SETD2: variants seen among roughly 807,000 people sequenced by gnomAD.
SETD2 encodes the protein SET domain containing 2, histone lysine methyltransferase, also known as histone-lysine N-methyltransferase SETD2.
SETD2 carries 31 observed loss-of-function variants against 242.1 expected under a neutral mutation model. The ratio of observed to expected loss-of-function variants is 0.13; its 90% confidence interval spans 0.10 to 0.17. The LOEUF is 0.17. Ranked by LOEUF, SETD2 falls within the 10% of genes least tolerant of loss-of-function variation. The pLI is 1.00. For synonymous variants in SETD2, 1,006 were observed against 1,066.5 expected (o/e 0.94, Z 1.11); for missense variants, 2,481 against 3,046.3 (o/e 0.81, Z 4.37).
intron 17 of SETD2, chr3:47,041,414 T>G: frequency 2.3e-6 from 1 of 435,802 alleles, no homozygotes; most frequent in Non-Finnish European, 4.6e-6. Flanking sequence ...TTGGGAGGCT[T>G]AGGTGGGAGG....
At chr3:47,043,869 T>C (rs1050343563) in intron 16 of SETD2, among the ~76,000 whole-genome samples, 4 of 152,130 alleles carry the variant, frequency 2.6e-5, no homozygotes, top group Non-Finnish European at 5.9e-5. Flanking sequence ...AAACCATTTA[T>C]CTCTTAATAG....
In SETD2 at chr3:47,121,192, G is replaced by A. The variant is rs2043069645; in HGVS notation, c.3444C>T (p.Ser1148=). ...EKNPEISFTQ[S]SRKQIDNRLP... ...GGCGATTATCTATTTGTTTTCTACT[G>A]GACTGTGTAAAAGAAATTTCCGGAT... The change falls in exon 3 of 21, where the codon TCC becomes TCT. Residue 1148 remains serine (S), a synonymous_variant. Transcript: ENST00000409792. The A allele has an allele frequency of 6.2e-7, 1 of 1,613,928 alleles. No individual in the cohort carries two copies. The highest frequency in any genetic ancestry group is 8.5e-7 in the Non-Finnish European group (1 of 1,179,850).
rs748653635 is a variant in SETD2 at position 47,062,251 on chromosome 3, T to A, written c.6205A>T (p.Thr2069Ser). The change falls in exon 14 of 21, where the codon ACT becomes TCT. Residue 2069 changes from threonine (T) to serine (S), a missense_variant. Physicochemically the swap from Thr to Ser is moderately conservative, Grantham distance 58. Coordinates refer to ENST00000409792, the MANE Select transcript of SETD2 (RefSeq NM_014159.7). ...RSRERDPDKQ[T>S]QNKEKRKRRS... is the part of the protein sequence containing the mutation. ...CGTTTCCTTTTCTCTTTATTTTGAG[T>A]TTGCTTGTCTGGGTCTCTCTCTCTT... 6.2e-7 allele frequency: 1 copy of A among 1,613,980 alleles called. No homozygotes were observed. The highest frequency in any genetic ancestry group is 1.3e-5 in the African/African-American group (1 of 74,884).
chr3:47,086,028 T>C (rs1266046241), intron 11 of SETD2, among the ~76,000 whole-genome samples, 167 bp downstream of exon 11: 6 of 152,254 alleles, frequency 3.9e-5, no homozygotes, highest in Non-Finnish European at 8.8e-5. Context: ...AAGGTGTATG[T>C]ACGGTTAGAT....
intron 12 of SETD2, among the ~76,000 whole-genome samples, chr3:47,069,950 C>T (rs1343974289): frequency 1.3e-5 from 2 of 152,164 alleles, no homozygotes; most frequent in Non-Finnish European, 1.5e-5. Context: ...ATGACATTTG[C>T]ATTAGGTACT....
In SETD2 at chr3:47,111,079, TAAAAAAAAAAAA is replaced by T. The variant is rs10672755; in HGVS notation, c.4715+2785_4715+2796del. 5.2e-3 allele frequency among the ~76,000 whole-genome samples: 410 copies of T among 78,828 alleles called. 5 individuals are homozygous for T. Among genetic ancestry groups the T allele is most frequent in the African/African-American group, 0.014 (268 of 19,490 alleles). The allele number at this position is 78,828 out of a possible 152,430, so 51.7% of individuals were successfully genotyped here. ...GCTTGTGTCCAAACTGTGGTTCCTT[TAAAAAAAAAAAA>T]AAAAAAAAAAAAAAAAAAAATCTCA... On this transcript the variant is annotated intron_variant, in intron 5 of 20. Transcript: ENST00000409792.
chr3:47,027,746 G>GTT (rs1181695099), intron 18 of SETD2, among the ~76,000 whole-genome samples: 1 of 151,338 alleles, frequency 6.6e-6, no homozygotes, highest in Non-Finnish European at 1.5e-5. Flanking sequence ...TTTATACTAG[G>GTT]TTTATTATAC....
At chr3:47,145,585 C>G (rs6442059) in intron 1 of SETD2, 238,154 of 375,542 alleles carry the variant, frequency 0.63, 76,600 homozygotes, top group African/African-American at 0.76. Flanking sequence ...CCCCTCACAT[C>G]AGGTCATGTG....
intron 16 of SETD2, among the ~76,000 whole-genome samples, chr3:47,043,044 A>G (rs1440136350): frequency 6.6e-6 from 1 of 151,800 alleles, no homozygotes; most frequent in South Asian, 2.1e-4. Flanking sequence ...TTAAAAAAAA[A>G]AAAAAAGAAA....
chr3:47,054,724 A>G (rs62246405), intron 15 of SETD2, among the ~76,000 whole-genome samples: 5,887 of 152,290 alleles, frequency 0.039, 160 homozygotes, highest in Non-Finnish European at 0.059. Flanking sequence ...AGCAAACAAA[A>G]AGCAGAAAAA....
At chr3:47,022,696 G>A (rs2038286453) in intron 18 of SETD2, among the ~76,000 whole-genome samples, 1 of 152,220 alleles carries the variant, frequency 6.6e-6, no homozygotes, top group Admixed American at 6.5e-5. Context: ...GGACAGTTAA[G>A]AGTACACAAT....
chr3:47,117,286 A>C (rs113316765), intron 3 of SETD2, among the ~76,000 whole-genome samples: 6 of 22,978 alleles, frequency 2.6e-4, no homozygotes, highest in Non-Finnish European at 4.0e-4. Flanking sequence ...AAAAACAAAC[A>C]AAAAAAAAAA....
Position 47,106,493 on chromosome 3 carries a change from T to TAAAA in SETD2, c.4716-377_4716-374dup, listed in dbSNP as rs766455577. 4.5e-3 allele frequency among the ~76,000 whole-genome samples: 255 copies of TAAAA among 57,250 alleles called. 16 individuals carry two copies. The highest frequency in any genetic ancestry group is 9.4e-3 in the African/African-American group (140 of 14,910). The allele number at this position is 57,250 out of a possible 152,430, so 37.6% of individuals were successfully genotyped here. A position where few individuals can be genotyped will look rare whatever the true frequency, so the allele number is the denominator to read the frequency against. Reference sequence around the variant, plus strand: ...CTGAAAAGTTAGAGGATTTTTGCTCTAAAAAAAAAAAAAAAAAAAAAAAAA... The same window carrying TAAAA: ...CTGAAAAGTTAGAGGATTTTTGCTCTAAAAAAAAAAAAAAAAAAAAAAAAAAAAA... On this transcript the variant is annotated intron_variant, in intron 5 of 20. Transcript: ENST00000409792.
chr3:47,146,342 A>T lies in SETD2; in HGVS notation c.71+17512T>A, dbSNP rs932017758. 5.9e-5 allele frequency among the ~76,000 whole-genome samples: 9 copies of T among 152,058 alleles called. No homozygotes were observed. The East Asian group carries it at 1.5e-3, about 26-fold the overall frequency. ...AACGAGTGTCTATTTAAAATCCTTC[A>T]TATAGCCGGGTGTGGTGGCTCACGC... On this transcript the variant is annotated intron_variant, in intron 1 of 20. Transcript: ENST00000409792.
At chr3:47,087,042 A>AG (rs2041590462) in intron 10 of SETD2, among the ~76,000 whole-genome samples, 1 of 152,060 alleles carries the variant, frequency 6.6e-6, no homozygotes, top group Non-Finnish European at 1.5e-5. Flanking sequence ...CCCTAAAAAA[A>AG]AAAAAAAATC....
intron 13 of SETD2, among the ~76,000 whole-genome samples, chr3:47,066,702 T>C (rs2040569251): frequency 6.8e-6 from 1 of 147,160 alleles, no homozygotes; most frequent in African/African-American, 2.4e-5. Context: ...GAAGTATAGG[T>C]TTAAGAATGT....
At chr3:47,102,607 A>G (rs2042258041) in intron 7 of SETD2, among the ~76,000 whole-genome samples, 1 of 152,158 alleles carries the variant, frequency 6.6e-6, no homozygotes, top group Admixed American at 6.6e-5. Flanking sequence ...CCTGGCCAAC[A>G]TGGCAAAACC....
At chr3:47,072,456 G>A (rs1044106423) in intron 12 of SETD2, among the ~76,000 whole-genome samples, 1 of 152,004 alleles carries the variant, frequency 6.6e-6, no homozygotes, top group Non-Finnish European at 1.5e-5. Context: ...ATCAAATCTC[G>A]TATAGGCCAA....
chr3:47,106,844 A>G (rs2042448399), intron 5 of SETD2, among the ~76,000 whole-genome samples: 1 of 151,654 alleles, frequency 6.6e-6, no homozygotes, highest in South Asian at 2.1e-4. Flanking sequence ...GAAAAAGAAG[A>G]AGGCAACTTA....
Sources: allele counts gnomAD v4.1 joint callset (sites outside exome capture counted in the v4.1 genomes callset), GRCh38; gene constraint gnomAD v4.1.1; transcripts MANE v1.5; gene names NCBI Gene and HGNC (gene_info 2026-07-23, HGNC 2026-07-21).